Variants in ZNF521 observed in about 807,000 individuals in gnomAD.
ZNF521 encodes LYST-interacting protein 3.
In ZNF521, 14 loss-of-function variants were observed where a neutral mutation model predicts 105.5. The ratio of observed to expected loss-of-function variants is 0.13; its 90% CI spans 0.09 to 0.21. ZNF521 has a LOEUF of 0.21. Among genes scored for constraint, ZNF521 ranks in the 10% least tolerant of loss-of-function variants. The pLI, the probability that ZNF521 is intolerant of heterozygous loss-of-function variation, is 1.00. For missense variants in ZNF521, 1,233 were observed against 1,629.7 expected (o/e 0.76, Z 4.19); for synonymous variants, 635 against 606.0 (o/e 1.05, Z -0.70).
chr18:25,228,177 C>T (rs2144745824), intron 3 of ZNF521, among the ~76,000 whole-genome samples: 1 of 152,278 alleles, frequency 6.6e-6, no homozygotes, highest in South Asian at 2.1e-4. Flanking sequence ...ATTCCCTCTG[C>T]ATTTTGCTTG....
intron 2 of ZNF521, among the ~76,000 whole-genome samples, chr18:25,334,248 A>G (rs887737296): frequency 1.3e-5 from 2 of 152,220 alleles, no homozygotes; most frequent in African/African-American, 4.8e-5. Context: ...GCAGAAGAGT[A>G]GAAAAGGAGA....
intron 3 of ZNF521, among the ~76,000 whole-genome samples, chr18:25,291,110 T>C (rs1910992563): frequency 6.6e-6 from 1 of 152,158 alleles, no homozygotes. Flanking sequence ...AGTGCAGAAT[T>C]CTACCAAGAT....
At chr18:25,331,375 T>C (rs1333771859) in intron 2 of ZNF521, among the ~76,000 whole-genome samples, 1 of 151,972 alleles carries the variant, frequency 6.6e-6, no homozygotes, top group African/African-American at 2.4e-5. Context: ...TTCTGTGTAG[T>C]CTTTAGTACA....
intron 3 of ZNF521, among the ~76,000 whole-genome samples, chr18:25,307,409 G>A (rs986969590): frequency 1.3e-5 from 2 of 152,204 alleles, no homozygotes; most frequent in African/African-American, 4.8e-5. Flanking sequence ...GCTGGTTGCA[G>A]GGAATGGAGA....
chr18:25,197,083 C>A (rs2035914845), intron 4 of ZNF521, among the ~76,000 whole-genome samples: 1 of 151,756 alleles, frequency 6.6e-6, no homozygotes, highest in African/African-American at 2.4e-5. Flanking sequence ...AAAATGCCAG[C>A]ACTTACTACT....
intron 4 of ZNF521, among the ~76,000 whole-genome samples, chr18:25,203,302 G>A (rs2036023347): frequency 6.6e-6 from 1 of 152,064 alleles, no homozygotes; most frequent in African/African-American, 2.4e-5. Flanking sequence ...GTCTAAAATG[G>A]GAATAATTTT....
intron 5 of ZNF521, among the ~76,000 whole-genome samples, chr18:25,158,721 C>G (rs748287667): frequency 6.6e-6 from 1 of 151,860 alleles, no homozygotes; most frequent in Non-Finnish European, 1.5e-5. Flanking sequence ...TTTGGGAGGT[C>G]GAGGCAGGTG....
chr18:25,115,506 G>A (rs2034284876), intron 5 of ZNF521, among the ~76,000 whole-genome samples: 1 of 151,970 alleles, frequency 6.6e-6, no homozygotes, highest in Non-Finnish European at 1.5e-5. Flanking sequence ...TATACCTATG[G>A]CAGGGCATGA....
At chr18:25,344,125 A>C (rs1186568020) in intron 2 of ZNF521, among the ~76,000 whole-genome samples, 2 of 151,626 alleles carry the variant, frequency 1.3e-5, no homozygotes, top group Non-Finnish European at 2.9e-5. Context: ...TAATTACTAA[A>C]CTGGCATAAT....
chr18:25,176,840 T>C (rs1317864759), intron 5 of ZNF521, among the ~76,000 whole-genome samples: 1 of 152,222 alleles, frequency 6.6e-6, no homozygotes, highest in Non-Finnish European at 1.5e-5. Context: ...CACTCACACA[T>C]GCTCACCAGC....
At chr18:25,171,609 G>A (rs1008064835) in intron 5 of ZNF521, among the ~76,000 whole-genome samples, 5 of 152,050 alleles carry the variant, frequency 3.3e-5, no homozygotes, top group South Asian at 4.1e-4. Context: ...GGCTCCAACC[G>A]TTATATTCAT....
At chr18:25,071,499 G>A (rs1441408278) in intron 7 of ZNF521, among the ~76,000 whole-genome samples, 1 of 152,108 alleles carries the variant, frequency 6.6e-6, no homozygotes, top group Non-Finnish European at 1.5e-5. Context: ...TTGGGGAATG[G>A]AAAAAACTAT....
At chr18:25,201,158 TG>T (rs2035986353) in intron 4 of ZNF521, 1 of 152,110 alleles carries the variant, frequency 6.6e-6, no homozygotes, top group African/African-American at 2.4e-5. Context: ...GCTGCCTATC[TG>T]CTGTGCTGCA....
intron 5 of ZNF521, among the ~76,000 whole-genome samples, chr18:25,114,919 C>T (rs1434839062): frequency 2.6e-5 from 4 of 152,162 alleles, no homozygotes; most frequent in South Asian, 4.1e-4. Context: ...GTATGTGCAA[C>T]GTAGTTTATT....
rs1332462840 is a variant in ZNF521, at chr18:25,351,872, TCGGCAGCGGCGGCGGCAGCAGCGG to T, written c.-2+109_-2+132del. The T allele has an allele frequency of 1.1e-3, 290 of 268,070 alleles. 2 individuals are homozygous for T. Among genetic ancestry groups the T allele is most frequent in the African/African-American group, 2.3e-3 (100 of 42,922 alleles). 16.6% of individuals were successfully genotyped at this position (268,070 alleles called of 1,614,324 possible). On this transcript the variant is annotated intron_variant, in intron 1 of 7. Transcript: ENST00000361524. The stretch of plus-strand genomic sequence containing the variant: ...CGGGGCTCTAAAGTCTACGGCTGCC[TCGGCAGCGGCGGCGGCAGCAGCGG>T]CGGCAGCGGCGGCGGCAGCGGCGGC...
chr18:25,215,676 T>A (rs1174170631), intron 4 of ZNF521, among the ~76,000 whole-genome samples: 4 of 152,186 alleles, frequency 2.6e-5, no homozygotes, highest in Admixed American at 6.5e-5. Context: ...TGTAACCATA[T>A]AAAAAATATC....
chr18:25,102,362 C>T (rs926565362), intron 5 of ZNF521, among the ~76,000 whole-genome samples: 52 of 151,874 alleles, frequency 3.4e-4, no homozygotes, highest in African/African-American at 1.2e-3. Context: ...TGAGGAGAAG[C>T]AAGCAACGAG....
intron 5 of ZNF521, among the ~76,000 whole-genome samples, chr18:25,160,698 C>A (rs2035235673): frequency 2.0e-5 from 3 of 152,140 alleles, no homozygotes; most frequent in African/African-American, 7.2e-5. Flanking sequence ...AAAAACAAAT[C>A]AAGGTGAGAA....
chr18:25,131,756 T>C (rs542700041), intron 5 of ZNF521, among the ~76,000 whole-genome samples: 1 of 152,320 alleles, frequency 6.6e-6, no homozygotes, highest in African/African-American at 2.4e-5. Flanking sequence ...TCTATAGTAA[T>C]ATCCTCTAGT....
Sources: allele counts gnomAD v4.1 joint callset (sites outside exome capture counted in the v4.1 genomes callset), GRCh38; gene constraint gnomAD v4.1.1; transcripts MANE v1.5; gene names NCBI Gene and HGNC (gene_info 2026-07-23, HGNC 2026-07-21).